CAST: variants seen among roughly 807,000 people sequenced by gnomAD.
CAST encodes MIR583 host.
Under a neutral mutation model 119.6 loss-of-function variants are expected in CAST, and 76 were observed. That is an observed-to-expected ratio of 0.64 (90% confidence interval 0.53 to 0.77). The LOEUF (loss-of-function observed/expected upper bound fraction) is 0.77. Ranked by LOEUF, CAST falls within the 30% of genes least tolerant of loss-of-function variation. The pLI, the probability that CAST is intolerant of heterozygous loss-of-function variation, is 0.00. For synonymous variants in CAST, 319 were observed against 331.6 expected, an observed-to-expected ratio of 0.96 and a Z score of 0.41; for missense variants, 953 against 946.5, an observed-to-expected ratio of 1.01 and a Z score of -0.09.
intron 1 of CAST, among the ~76,000 whole-genome samples, chr5:96,547,132 ACCTGTGTATT>A (rs58903702): frequency 0.61 from 93,044 of 151,574 alleles, 28,887 homozygotes; most frequent in East Asian, 0.86. Context: ...TTGGGATAGC[ACCTGTGTATT>A]CCCTGGGGTT....
the CAST span, among the ~76,000 whole-genome samples, chr5:96,113,826 T>C: frequency 6.6e-6 from 1 of 152,268 alleles, no homozygotes. Flanking sequence ...CAATCCTTGA[T>C]GACTCCAGAG....
At chr5:96,568,947 GA>G (rs1469687090) in intron 1 of CAST, among the ~76,000 whole-genome samples, 1 of 152,156 alleles carries the variant, frequency 6.6e-6, no homozygotes, top group Admixed American at 6.5e-5. Flanking sequence ...TGTCAGAGCA[GA>G]AAATAGAAGA....
the CAST span, among the ~76,000 whole-genome samples, chr5:96,263,798 C>A: frequency 1.3e-5 from 2 of 152,148 alleles, no homozygotes; most frequent in Non-Finnish European, 2.9e-5. Context: ...AACTTACAAT[C>A]ATGGTGGAAG....
At chr5:96,733,870 A>G (rs594977) in intron 9 of CAST, among the ~76,000 whole-genome samples, 1 of 152,122 alleles carries the variant, frequency 6.6e-6, no homozygotes, top group Admixed American at 6.5e-5. Flanking sequence ...AGAGTGAAAC[A>G]CTGTCTCAAA....
chr5:96,449,403 A>G, the CAST span, among the ~76,000 whole-genome samples: 1 of 152,190 alleles, frequency 6.6e-6, no homozygotes, highest in East Asian at 1.9e-4. Flanking sequence ...TCATGCTCTT[A>G]TGAGAATCTA....
the CAST span, among the ~76,000 whole-genome samples, chr5:96,481,514 C>T: frequency 1.3e-5 from 2 of 152,120 alleles, no homozygotes; most frequent in African/African-American, 4.8e-5. Context: ...ACAGATGTAT[C>T]CTAAGTGAGA....
At chr5:96,534,739 G>GAAAGAA (rs1554066252) in intron 1 of CAST, among the ~76,000 whole-genome samples, 8 of 22,674 alleles carry the variant, frequency 3.5e-4, no homozygotes, top group African/African-American at 5.6e-4. Context: ...GAGAGAGAGA[G>GAAAGAA]AGAAAGAAAG....
chr5:96,730,530 C>G (rs1760239300), intron 8 of CAST, among the ~76,000 whole-genome samples: 1 of 152,172 alleles, frequency 6.6e-6, no homozygotes, highest in Non-Finnish European at 1.5e-5. Context: ...TATGTGTGCT[C>G]CAGTTTACCA....
chr5:96,699,340 A>G (rs574392063), intron 3 of CAST, among the ~76,000 whole-genome samples: 3 of 152,358 alleles, frequency 2.0e-5, no homozygotes, highest in South Asian at 2.1e-4. Flanking sequence ...TGTACTGGTT[A>G]AAGTTGTTAG....
chr5:96,222,432 C>T, the CAST span, among the ~76,000 whole-genome samples: 1 of 151,916 alleles, frequency 6.6e-6, no homozygotes, highest in Admixed American at 6.6e-5. Context: ...CAAATAATCC[C>T]ATTAAAAATT....
chr5:96,472,958 A>G, the CAST span, among the ~76,000 whole-genome samples: 2 of 152,130 alleles, frequency 1.3e-5, no homozygotes, highest in African/African-American at 4.8e-5. Context: ...TAGCAGCCCG[A>G]AGCATTCCTT....
chr5:96,549,285 A>G (rs1434654245), intron 1 of CAST, among the ~76,000 whole-genome samples: 2 of 152,258 alleles, frequency 1.3e-5, no homozygotes, highest in African/African-American at 4.8e-5. Flanking sequence ...ACAATGAATT[A>G]GGCATATCAA....
At chr5:96,373,314 G>A in the CAST span, among the ~76,000 whole-genome samples, 11 of 152,188 alleles carry the variant, frequency 7.2e-5, no homozygotes, top group Non-Finnish European at 1.6e-4. Flanking sequence ...ATGGATAATA[G>A]GTTCTTTGTG....
the CAST span, among the ~76,000 whole-genome samples, chr5:96,452,178 A>G: frequency 6.6e-6 from 1 of 152,204 alleles, no homozygotes; most frequent in African/African-American, 2.4e-5. Context: ...TCTACTATAA[A>G]GACATATGTA....
chr5:96,313,020 T>C, the CAST span, among the ~76,000 whole-genome samples: 1 of 152,106 alleles, frequency 6.6e-6, no homozygotes, highest in Admixed American at 6.6e-5. Flanking sequence ...AAATGGTTGA[T>C]TGACGTTCAA....
At chr5:96,357,712 G>T in the CAST span, among the ~76,000 whole-genome samples, 3 of 152,120 alleles carry the variant, frequency 2.0e-5, no homozygotes, top group African/African-American at 7.2e-5. Flanking sequence ...GCTTTTTGTC[G>T]TGCTGCTAGA....
At chr5:96,282,809 C>T in the CAST span, among the ~76,000 whole-genome samples, 2 of 152,196 alleles carry the variant, frequency 1.3e-5, no homozygotes, top group South Asian at 4.1e-4. Context: ...TTGGCTGCAA[C>T]TTAGAATCAC....
chr5:96,509,544 G>A, the CAST span, among the ~76,000 whole-genome samples: 3 of 152,156 alleles, frequency 2.0e-5, no homozygotes, highest in African/African-American at 4.8e-5. Flanking sequence ...GAGCTCTGGT[G>A]CTTCTGCTAT....
chr5:96,106,294 A>G, the CAST span, among the ~76,000 whole-genome samples: 2 of 151,854 alleles, frequency 1.3e-5, no homozygotes, highest in Admixed American at 1.3e-4. Context: ...TTGCTTTTCT[A>G]GTTCTTTTAA....
Sources: gnomAD v4.1 joint callset for allele counts (sites outside exome capture counted in the v4.1 genomes callset) on GRCh38, gnomAD v4.1.1 for gene constraint, MANE v1.5 for transcripts, NCBI Gene and HGNC (gene_info 2026-07-23, HGNC 2026-07-21) for gene names.